The following PTPRE variants were observed in gnomAD, a reference collection of about 807,000 sequenced individuals.
The protein encoded by PTPRE is receptor-type tyrosine-protein phosphatase epsilon.
In PTPRE, 51 loss-of-function variants were observed where a neutral mutation model predicts 102.0. That is an observed-to-expected ratio of 0.50 (90% CI 0.40 to 0.63). The LOEUF (loss-of-function observed/expected upper bound fraction) is 0.63, where lower values mean the gene tolerates loss of function less well. Among genes scored for constraint, PTPRE ranks in the 30% least tolerant of loss-of-function variants. PTPRE has a pLI of 0.00. For missense variants in PTPRE, 752 were observed against 915.1 expected (o/e 0.82, Z 2.30); for synonymous variants, 345 against 348.2 (o/e 0.99, Z 0.10).
intron 20 of PTPRE, among the ~76,000 whole-genome samples, chr10:128,081,992 C>T (rs1008698212): frequency 6.6e-6 from 1 of 152,162 alleles, no homozygotes; most frequent in Admixed American, 6.5e-5. Flanking sequence ...TTGGCCTCTC[C>T]GGCTTTCCAA....
chr10:128,047,794 C>T lies in PTPRE; in HGVS notation c.240C>T (p.Ser80=). The change falls in exon 5 of 21, where the codon AGC becomes AGT. Residue 80 remains serine (S), a synonymous_variant. Transcript: ENST00000254667. The part of the protein sequence containing the change: ...RFRKQRKAVV[S]TSDKKMPNGI... ...GGAAGCAGAGGAAAGCTGTGGTCAG[C>T]ACCAGCGACAAGAAGATGCCCAACG... 2 of 1,606,302 alleles carry T rather than the reference C, an allele frequency of 1.2e-6. No homozygotes were observed. Among genetic ancestry groups the T allele is most frequent in the Non-Finnish European group, 1.7e-6 (2 of 1,173,628 alleles).
At chr10:128,082,698 C>T (rs988472704) in intron 20 of PTPRE, 134 bp from the exon 21 acceptor site, 17 of 1,011,910 alleles carry the variant, frequency 1.7e-5, no homozygotes, top group South Asian at 8.0e-5. Context: ...AACTAAATTA[C>T]GATGTGCATA....
chr10:128,034,636 G>A (rs1401457772), intron 2 of PTPRE, among the ~76,000 whole-genome samples: 2 of 152,194 alleles, frequency 1.3e-5, no homozygotes, highest in East Asian at 3.9e-4. Context: ...GGTTGAAACT[G>A]CAGTGAGCCA....
At chr10:127,992,362 G>C (rs529419599) in intron 2 of PTPRE, among the ~76,000 whole-genome samples, 1 of 152,162 alleles carries the variant, frequency 6.6e-6, no homozygotes, top group Non-Finnish European at 1.5e-5. Context: ...CAAGGCTCTA[G>C]GGTTCTCGCC....
At chr10:127,936,844 C>T (rs1045222097) in intron 1 of PTPRE, among the ~76,000 whole-genome samples, 1 of 152,158 alleles carries the variant, frequency 6.6e-6, no homozygotes, top group Non-Finnish European at 1.5e-5. Flanking sequence ...CCATCGTCCC[C>T]TGGAGGATGG....
chr10:127,963,724 G>C (rs973767495), intron 1 of PTPRE, among the ~76,000 whole-genome samples: 5 of 152,084 alleles, frequency 3.3e-5, no homozygotes, highest in Non-Finnish European at 7.4e-5. Context: ...GTGCACACAC[G>C]TGTGGAACCC....
At chr10:128,012,156 G>T (rs1251824637) in intron 2 of PTPRE, among the ~76,000 whole-genome samples, 1 of 152,164 alleles carries the variant, frequency 6.6e-6, no homozygotes, top group African/African-American at 2.4e-5. Context: ...TCCTGGCTCA[G>T]AGTGACAAGA....
At chr10:127,921,148 C>T (rs780954264) in intron 1 of PTPRE, among the ~76,000 whole-genome samples, 5 of 152,234 alleles carry the variant, frequency 3.3e-5, no homozygotes, top group African/African-American at 7.2e-5. Context: ...ATACTCGTTA[C>T]GATAATACCA....
intron 2 of PTPRE, among the ~76,000 whole-genome samples, chr10:128,005,931 C>A (rs907439346): frequency 6.6e-6 from 1 of 152,120 alleles, no homozygotes; most frequent in Non-Finnish European, 1.5e-5. Context: ...GTGGTTGCCT[C>A]CCTCCAGCTT....
chr10:128,063,230 G>T (rs376866189), intron 10 of PTPRE, 50 bp downstream of exon 10: 2 of 1,604,658 alleles, frequency 1.2e-6, no homozygotes, highest in South Asian at 1.1e-5. Context: ...AGCTGCTGCT[G>T]CCGGGCTGGG....
intron 1 of PTPRE, among the ~76,000 whole-genome samples, chr10:127,954,852 G>A (rs370559403): frequency 1.6e-4 from 24 of 151,794 alleles, no homozygotes; most frequent in African/African-American, 5.1e-4. Context: ...TTTGCTTCCC[G>A]TTCCCATGAC....
rs1397179639 is a variant in PTPRE, at chr10:128,047,392, C to G, written c.112C>G (p.Pro38Ala). ...DSNETTTTSGPPDPGASQPLL... is the reference protein window; with the variant it reads ...DSNETTTTSGAPDPGASQPLL... ...GGGTCTTTCTGCTTCTCCTGCAGGC[C>G]CTCCGGACCCGGGCGCCTCCCAGCC... is the stretch of plus-strand genomic sequence containing the variant. The change falls in exon 4 of 21, where the codon CCT (proline) becomes GCT (alanine). Residue 38 changes from proline (P) to alanine (A), a missense_variant and splice_region_variant. Coordinates refer to ENST00000254667, the MANE Select transcript of PTPRE (RefSeq NM_006504.6). 1.9e-6 allele frequency: 3 copies of G among 1,612,508 alleles called. No individual in the cohort carries two copies. Among genetic ancestry groups the G allele is most frequent in the Non-Finnish European group, 2.5e-6 (3 of 1,179,802 alleles).
At chr10:127,908,376 A>AGATG (rs1845636791) in intron 1 of PTPRE, among the ~76,000 whole-genome samples, 1 of 144,172 alleles carries the variant, frequency 6.9e-6, no homozygotes, top group Non-Finnish European at 1.5e-5. Context: ...TGTGTCCCAA[A>AGATG]GATGGATGAA....
At chr10:128,080,992 T>C in intron 20 of PTPRE, among the ~76,000 whole-genome samples, 1 of 152,174 alleles carries the variant, frequency 6.6e-6, no homozygotes, top group East Asian at 1.9e-4. Flanking sequence ...CAAGGAGTGT[T>C]CTGCAGGTGC....
chr10:128,027,878 G>T (rs1239881786), intron 2 of PTPRE, among the ~76,000 whole-genome samples: 2 of 152,134 alleles, frequency 1.3e-5, no homozygotes, highest in Non-Finnish European at 2.9e-5. Flanking sequence ...GGCTGAAAGA[G>T]GGCAGGTGAC....
At position 128,051,242 on chromosome 10, in the gene PTPRE, C is replaced by T. The variant is rs528139458; in HGVS notation, c.420+1576C>T. Among the ~76,000 whole-genome samples, 12 of 152,272 alleles carry T rather than the reference C, an allele frequency of 7.9e-5. No homozygotes were observed. The South Asian group carries it at 1.9e-3, about 24-fold the overall frequency. ...GTCAGAACCAGCTCAAAAGAGGGGG[C>T]CACTCCCAGGGAGGGAGTCCAGGAA... is the stretch of plus-strand genomic sequence containing the variant. On this transcript the variant is annotated intron_variant, in intron 6 of 20. Coordinates refer to ENST00000254667, the MANE Select transcript of PTPRE (RefSeq NM_006504.6).
chr10:127,944,384 GTGGATGGA>G lies in PTPRE; in HGVS notation c.-31+37098_-31+37105del, dbSNP rs772803959. ...GGACGATGGACAGATGGATGGATATGTGGATGGATGGATGGATGGATGGATGGATGCAT... is the reference window on the plus strand; with the variant it reads ...GGACGATGGACAGATGGATGGATATGTGGATGGATGGATGGATGGATGCAT... On this transcript the variant is annotated intron_variant, in intron 1 of 20. Coordinates refer to ENST00000254667, the MANE Select transcript of PTPRE (RefSeq NM_006504.6). The surrounding 1 kb of genome is among the most constrained non-coding windows in gnomAD (Gnocchi z 4.2). 2.4e-4 allele frequency among the ~76,000 whole-genome samples: 36 copies of G among 151,502 alleles called. No individual in the cohort carries two copies. The highest frequency in any genetic ancestry group is 8.0e-4 in the African/African-American group (33 of 41,206).
At chr10:127,924,792 A>T (rs1326271609) in intron 1 of PTPRE, among the ~76,000 whole-genome samples, 3 of 152,230 alleles carry the variant, frequency 2.0e-5, no homozygotes, top group Non-Finnish European at 4.4e-5. Context: ...AAGTCTCAAT[A>T]ATGTATAATT....
chr10:127,971,210 G>T (rs1300987813), intron 1 of PTPRE, among the ~76,000 whole-genome samples: 1 of 152,202 alleles, frequency 6.6e-6, no homozygotes, highest in Non-Finnish European at 1.5e-5. Context: ...TCACGCTGGG[G>T]CTGGCGCATT....
Sources: allele counts gnomAD v4.1 joint callset (sites outside exome capture counted in the v4.1 genomes callset), GRCh38; gene constraint gnomAD v4.1.1; non-coding constraint Gnocchi (gnomAD v3.1); transcripts MANE v1.5; gene names NCBI Gene and HGNC (gene_info 2026-07-23, HGNC 2026-07-21).